Variants in DISC1 observed in about 807,000 individuals in gnomAD.
DISC1 encodes disrupted in schizophrenia 1 protein.
In DISC1, 57 loss-of-function variants were observed where a neutral mutation model predicts 84.5. The observed-to-expected ratio is 0.67, with a 90% CI of 0.55 to 0.84. The LOEUF is 0.84. Among genes scored for constraint, DISC1 ranks in the 40% least tolerant of loss-of-function variants. The probability of loss-of-function intolerance (pLI) is 0.00; values close to 1 mark genes in which losing one functional copy is unlikely to be tolerated. For missense variants in DISC1, 1,000 were observed against 1,057.8 expected, an observed-to-expected ratio of 0.95 and a Z score of 0.76; for synonymous variants, 411 against 415.2, an observed-to-expected ratio of 0.99 and a Z score of 0.12.
At chr1:231,829,260 A>G (rs1574121201) in intron 9 of DISC1, among the ~76,000 whole-genome samples, 2 of 152,218 alleles carry the variant, frequency 1.3e-5, no homozygotes, top group Non-Finnish European at 2.9e-5. Flanking sequence ...TTCTAATAAT[A>G]AGCATTATTT....
chr1:231,864,166 C>T (rs1394090005), intron 9 of DISC1, among the ~76,000 whole-genome samples: 3 of 152,150 alleles, frequency 2.0e-5, no homozygotes, highest in Non-Finnish European at 4.4e-5. Context: ...TAAAACGATA[C>T]TTGCAATTTT....
At chr1:232,034,157 C>T (rs1020430314) in intron 12 of DISC1, among the ~76,000 whole-genome samples, 1 of 152,042 alleles carries the variant, frequency 6.6e-6, no homozygotes, top group African/African-American at 2.4e-5. Context: ...TGATTATTAC[C>T]CCTACAGGCT....
chr1:231,854,964 C>A, intron 9 of DISC1: 1 of 995,332 alleles, frequency 1.0e-6, no homozygotes, highest in Admixed American at 2.8e-5. Context: ...GATCCACCTT[C>A]CTCAGCCTCC....
chr1:231,994,844 T>C (rs1665692387), intron 10 of DISC1, among the ~76,000 whole-genome samples: 1 of 152,188 alleles, frequency 6.6e-6, no homozygotes, highest in African/African-American at 2.4e-5. Flanking sequence ...TGCCTTAATC[T>C]CATCACCTTC....
At chr1:231,824,673 A>G (rs766525908) in intron 9 of DISC1, among the ~76,000 whole-genome samples, 18 of 152,166 alleles carry the variant, frequency 1.2e-4, no homozygotes, top group Admixed American at 5.9e-4. Context: ...CATACAGTGG[A>G]AAAAGCCTGG....
rs2086723179 is a variant in DISC1 at position 231,886,766 on chromosome 1, C to CTTTCTTT, written c.1981+68249_1981+68250insTTTCTTT. Among the ~76,000 whole-genome samples the CTTTCTTT allele has an allele frequency of 2.1e-3, 174 of 84,422 alleles. 3 individuals are homozygous for CTTTCTTT. The highest frequency in any genetic ancestry group is 4.1e-3 in the East Asian group (11 of 2,710). The allele number at this position is 84,422 out of a possible 152,430, so 55.4% of individuals were successfully genotyped here. On this transcript the variant is annotated intron_variant, in intron 9 of 12. Coordinates refer to ENST00000439617, the MANE Select transcript of DISC1 (RefSeq NM_018662.3). ...CTCTTTCTTCCTTTCTTCCTTCCTT[C>CTTTCTTT]CTTTCTTTCTTTCTTTCTTTCTTTC... is the stretch of plus-strand genomic sequence containing the variant.
chr1:231,726,060 T>A (rs1007769707), intron 3 of DISC1, among the ~76,000 whole-genome samples: 30 of 152,220 alleles, frequency 2.0e-4, no homozygotes, highest in Middle Eastern at 3.4e-3. Context: ...ATGGTTGGTC[T>A]ACAGAGGTCC....
chr1:231,800,947 T>C (rs1291527919), intron 8 of DISC1, among the ~76,000 whole-genome samples: 3 of 152,006 alleles, frequency 2.0e-5, no homozygotes, highest in Non-Finnish European at 4.4e-5. Context: ...AACCCAGTTA[T>C]GTAATGACAG....
At chr1:231,988,016 T>A (rs996174198) in intron 10 of DISC1, among the ~76,000 whole-genome samples, 1 of 152,050 alleles carries the variant, frequency 6.6e-6, no homozygotes, top group Non-Finnish European at 1.5e-5. Flanking sequence ...TGAAACCCCG[T>A]CCCTACTAAA....
At chr1:231,900,077 C>G (rs900730637) in intron 9 of DISC1, among the ~76,000 whole-genome samples, 1 of 152,308 alleles carries the variant, frequency 6.6e-6, no homozygotes, top group East Asian at 1.9e-4. Flanking sequence ...ATGCAGTCTT[C>G]TGAATAGTCT....
intron 12 of DISC1, among the ~76,000 whole-genome samples, chr1:232,032,398 T>C (rs554350949): frequency 1.2e-4 from 19 of 152,184 alleles, no homozygotes; most frequent in Non-Finnish European, 1.8e-4. Context: ...TATTGCCTTA[T>C]CATCTATTCC....
intron 10 of DISC1, among the ~76,000 whole-genome samples, chr1:231,969,196 T>G (rs1356267320): frequency 1.4e-5 from 2 of 148,136 alleles, no homozygotes; most frequent in African/African-American, 2.5e-5. Context: ...GTTTTTTTTT[T>G]TTTTTTTTTT....
At chr1:231,829,496 C>G (rs2082073978) in intron 9 of DISC1, among the ~76,000 whole-genome samples, 1 of 152,070 alleles carries the variant, frequency 6.6e-6, no homozygotes, top group Non-Finnish European at 1.5e-5. Context: ...TTCCGAGTAG[C>G]TGGAAGTACA....
At chr1:231,776,366 A>G (rs1019423600) in intron 6 of DISC1, among the ~76,000 whole-genome samples, 2 of 152,198 alleles carry the variant, frequency 1.3e-5, no homozygotes, top group Non-Finnish European at 2.9e-5. Context: ...CTGGCAGCTC[A>G]TGGATGAATT....
At chr1:231,843,330 C>T (rs1314360810) in intron 9 of DISC1, among the ~76,000 whole-genome samples, 3 of 152,110 alleles carry the variant, frequency 2.0e-5, no homozygotes, top group Non-Finnish European at 4.4e-5. Context: ...AGAGCTTCAG[C>T]TCCAGAATTA....
chr1:231,655,617 T>C (rs1256417705), intron 1 of DISC1, among the ~76,000 whole-genome samples: 1 of 152,184 alleles, frequency 6.6e-6, no homozygotes, highest in Non-Finnish European at 1.5e-5. Flanking sequence ...CCTAGTCCAG[T>C]AGTGGGATTG....
intron 9 of DISC1, among the ~76,000 whole-genome samples, chr1:231,921,844 C>G (rs549146068): frequency 8.7e-4 from 125 of 144,070 alleles, no homozygotes; most frequent in Admixed American, 1.8e-3. Flanking sequence ...TGATGAGAAC[C>G]CTTGAGATCT....
At chr1:231,733,659 GGTGGTA>G (rs373146506) in intron 3 of DISC1, among the ~76,000 whole-genome samples, 3,463 of 151,056 alleles carry the variant, frequency 0.023, 62 homozygotes, top group Non-Finnish European at 0.037. Context: ...TGGGAGTGAT[GGTGGTA>G]GTGGTAGTGG....
intron 10 of DISC1, among the ~76,000 whole-genome samples, chr1:231,999,066 T>G (rs1197226320): frequency 1.3e-5 from 2 of 152,000 alleles, no homozygotes; most frequent in East Asian, 1.9e-4. Flanking sequence ...AAAAATATAA[T>G]GTATAATTTT....
Sources: allele counts gnomAD v4.1 joint callset (sites outside exome capture counted in the v4.1 genomes callset), GRCh38; gene constraint gnomAD v4.1.1; transcripts MANE v1.5; gene names NCBI Gene and HGNC (gene_info 2026-07-23, HGNC 2026-07-21).